SLC41A3: variants seen among roughly 807,000 people sequenced by gnomAD.
The protein encoded by SLC41A3 is solute carrier family 41 member 3.
Under a neutral mutation model 45.4 loss-of-function variants are expected in SLC41A3, and 44 were observed. The observed-to-expected ratio is 0.97, with a 90% CI of 0.76 to 1.25. The LOEUF (loss-of-function observed/expected upper bound fraction) is 1.25. Ranked by LOEUF, SLC41A3 falls within the 50% of genes most tolerant of loss-of-function variation. SLC41A3 has a pLI of 0.00. For synonymous variants in SLC41A3, 256 were observed against 252.4 expected (o/e 1.01, Z -0.13); for missense variants, 550 against 600.6 (o/e 0.92, Z 0.88).
intron 3 of SLC41A3, among the ~76,000 whole-genome samples, chr3:126,036,474 G>T (rs9813908): frequency 0.054 from 8,281 of 152,200 alleles, 710 homozygotes; most frequent in African/African-American, 0.18. Context: ...GCTCTGGTGG[G>T]TCAGCCTTCA....
chr3:126,097,567 T>C (rs536035423), intron 1 of SLC41A3, among the ~76,000 whole-genome samples: 13 of 152,326 alleles, frequency 8.5e-5, no homozygotes, highest in African/African-American at 3.1e-4. Flanking sequence ...CTTACAATAA[T>C]CATGAAATAT....
chr3:126,032,539 C>T (rs1941876474), intron 4 of SLC41A3, among the ~76,000 whole-genome samples: 1 of 152,208 alleles, frequency 6.6e-6, no homozygotes, highest in Non-Finnish European at 1.5e-5. Context: ...CAACCCTGCA[C>T]AGGTAAGGTG....
chr3:126,011,237 A>G (rs1489452177), intron 9 of SLC41A3, among the ~76,000 whole-genome samples: 3 of 152,216 alleles, frequency 2.0e-5, no homozygotes, highest in Non-Finnish European at 4.4e-5. Context: ...GAAAAGAAAA[A>G]GAAGATAGAA....
intron 3 of SLC41A3, among the ~76,000 whole-genome samples, chr3:126,034,655 G>A (rs1244174590): frequency 6.6e-5 from 10 of 152,194 alleles, no homozygotes; most frequent in South Asian, 2.1e-4. Flanking sequence ...AACCCAGGGC[G>A]TGCTGAGCAC....
intron 1 of SLC41A3, chr3:126,095,308 C>A: frequency 1.5e-6 from 1 of 647,300 alleles, no homozygotes; most frequent in Non-Finnish European, 2.8e-6. Flanking sequence ...CGTGTTGAGG[C>A]TGATGCTCAG....
At chr3:126,051,703 G>A (rs1349949385) in intron 2 of SLC41A3, among the ~76,000 whole-genome samples, 1 of 152,190 alleles carries the variant, frequency 6.6e-6, no homozygotes, top group Non-Finnish European at 1.5e-5. Context: ...ACTGTTTAAT[G>A]TGCAATTAGA....
chr3:126,080,546 CAG>C (rs1469889809), intron 1 of SLC41A3, among the ~76,000 whole-genome samples: 1 of 152,184 alleles, frequency 6.6e-6, no homozygotes, highest in Non-Finnish European at 1.5e-5. Flanking sequence ...ATAAAAAAGA[CAG>C]GGAATAATGG....
intron 3 of SLC41A3, 110 bp downstream of exon 3, chr3:126,050,833 C>G (rs1287927940): frequency 2.1e-6 from 3 of 1,423,048 alleles, no homozygotes; most frequent in Non-Finnish European, 2.8e-6. Context: ...CCAGAAATAT[C>G]CATTGTTTTG....
chr3:126,034,096 C>G (rs1038276183), intron 3 of SLC41A3, among the ~76,000 whole-genome samples: 1 of 152,192 alleles, frequency 6.6e-6, no homozygotes, highest in African/African-American at 2.4e-5. Flanking sequence ...TCAGTCAAGG[C>G]CTCCTACTGT....
Position 126,083,500 on chromosome 3 carries a change from T to G in SLC41A3, c.-28+593A>C, listed in dbSNP as rs367945609. On this transcript the variant is annotated intron_variant, in intron 1 of 10. Coordinates refer to ENST00000360370, the MANE Select transcript of SLC41A3 (RefSeq NM_017836.4). ...TGGGACTCTGAGACAGACTCCCGGCTGGGCACCCCCAGGAGGTTTTCTTCA... is the reference window on the plus strand; with the variant it reads ...TGGGACTCTGAGACAGACTCCCGGCGGGGCACCCCCAGGAGGTTTTCTTCA... Among the ~76,000 whole-genome samples, 19 of 152,296 alleles carry G rather than the reference T, an allele frequency of 1.2e-4. No individual in the cohort carries two copies. In the East Asian group the frequency reaches 2.9e-3, roughly 23 times the overall value.
upstream of SLC41A3, among the ~76,000 whole-genome samples, chr3:126,088,050 T>G (rs1945427483): frequency 1.3e-5 from 2 of 152,088 alleles, no homozygotes; most frequent in Admixed American, 6.5e-5. Context: ...TGAAATGGCC[T>G]TAGATAATAG....
intron 1 of SLC41A3, chr3:126,070,364 T>C (rs1445979236): frequency 6.6e-6 from 1 of 152,260 alleles, no homozygotes; most frequent in Non-Finnish European, 1.5e-5. Flanking sequence ...TATTGTGAAC[T>C]GCGCACGCAG....
At position 126,016,791 on chromosome 3, in the gene SLC41A3, G is replaced by C. The variant is rs1200888853; in HGVS notation, c.830C>G (p.Pro277Arg). Residue 277 changes from proline to arginine, a missense_variant, in exon 7 of 11, where the codon CCC becomes CGC. Coordinates refer to ENST00000360370, the MANE Select transcript of SLC41A3 (RefSeq NM_017836.4). ...VWVLIAKQSP[P>R]IVKILKFGWF... ...GCCAAACTTCAGGATCTTCACGATG[G>C]GTGGGCTCTGCTTGGCAATGAGGAC... 1 of 1,612,824 alleles carries C rather than the reference G, an allele frequency of 6.2e-7. No homozygotes were observed. Among genetic ancestry groups the C allele is most frequent in the Admixed American group, 1.7e-5 (1 of 59,808 alleles).
At chr3:126,029,028 G>T (rs374608039) in intron 4 of SLC41A3, among the ~76,000 whole-genome samples, 1 of 152,170 alleles carries the variant, frequency 6.6e-6, no homozygotes, top group Admixed American at 6.5e-5. Context: ...GATATTATAG[G>T]CTCATAGTTA....
intron 1 of SLC41A3, among the ~76,000 whole-genome samples, chr3:126,096,611 T>C (rs1447923915): frequency 6.6e-6 from 1 of 152,282 alleles, no homozygotes; most frequent in Non-Finnish European, 1.5e-5. Context: ...CTTAAGGGCA[T>C]GTTCCTGCTA....
intron 1 of SLC41A3, among the ~76,000 whole-genome samples, chr3:126,100,513 G>A (rs1028887861): frequency 2.0e-5 from 3 of 152,198 alleles, no homozygotes; most frequent in Admixed American, 1.3e-4. Flanking sequence ...TGGTAGTGGC[G>A]GAGGTTTAAT....
At chr3:126,099,437 TGTG>T (rs1475000407) in intron 1 of SLC41A3, among the ~76,000 whole-genome samples, 1 of 152,108 alleles carries the variant, frequency 6.6e-6, no homozygotes, top group Admixed American at 6.5e-5. Flanking sequence ...TGAGGCCAGG[TGTG>T]GTGACTCACG....
chr3:126,054,547 CCTGT>C (rs1943539011), intron 2 of SLC41A3, among the ~76,000 whole-genome samples: 2 of 152,110 alleles, frequency 1.3e-5, no homozygotes, highest in African/African-American at 4.8e-5. Context: ...AGCGGCCACC[CCTGT>C]CTCTCACTTT....
At chr3:126,081,123 A>G (rs1945127902) in intron 1 of SLC41A3, among the ~76,000 whole-genome samples, 1 of 152,256 alleles carries the variant, frequency 6.6e-6, no homozygotes, top group Admixed American at 6.5e-5. Context: ...TTTCCATACC[A>G]GATGAAAGGA....
Sources: allele counts gnomAD v4.1 joint callset (sites outside exome capture counted in the v4.1 genomes callset), GRCh38; gene constraint gnomAD v4.1.1; transcripts MANE v1.5; gene names NCBI Gene and HGNC (gene_info 2026-07-23, HGNC 2026-07-21).